Variants in TECRL observed in about 807,000 individuals in gnomAD.
The protein encoded by TECRL is trans-2,3-enoyl-CoA reductase-like.
Under a neutral mutation model 52.8 loss-of-function variants are expected in TECRL, and 63 were observed. The ratio of observed to expected loss-of-function variants is 1.19; its 90% CI spans 0.97 to 1.47. The LOEUF is 1.47. Ranked by LOEUF, TECRL falls within the 40% of genes most tolerant of loss-of-function variation. The probability of loss-of-function intolerance (pLI) is 0.00; values close to 1 mark genes in which losing one functional copy is unlikely to be tolerated. For missense variants in TECRL, 482 were observed against 429.6 expected (o/e 1.12, Z -1.08); for synonymous variants, 164 against 141.9 (o/e 1.16, Z -1.10).
intron 4 of TECRL, among the ~76,000 whole-genome samples, chr4:64,320,637 G>A (rs894030303): frequency 6.6e-6 from 1 of 151,994 alleles, no homozygotes; most frequent in African/African-American, 2.4e-5. Flanking sequence ...AAGTGATGAA[G>A]CTGAAATTTC....
At chr4:64,282,778 G>A (rs1722892131) in intron 9 of TECRL, among the ~76,000 whole-genome samples, 1 of 151,480 alleles carries the variant, frequency 6.6e-6, no homozygotes, top group Non-Finnish European at 1.5e-5. Flanking sequence ...AAAAATATAT[G>A]TATATAGATA....
intron 2 of TECRL, among the ~76,000 whole-genome samples, chr4:64,374,025 C>CAT (rs1175141902): frequency 6.0e-4 from 31 of 52,028 alleles, no homozygotes; most frequent in African/African-American, 1.6e-3. Flanking sequence ...ATAGTAGATA[C>CAT]ATATATATAT....
chr4:64,406,264 A>C (rs1401290325), intron 1 of TECRL, among the ~76,000 whole-genome samples: 1 of 151,792 alleles, frequency 6.6e-6, no homozygotes, highest in East Asian at 1.9e-4. Context: ...TCTCATGAAT[A>C]TTTTGAGTCT....
At chr4:64,358,402 A>ATAT (rs1477684526) in intron 2 of TECRL, among the ~76,000 whole-genome samples, 2 of 151,862 alleles carry the variant, frequency 1.3e-5, no homozygotes, top group African/African-American at 4.8e-5. Context: ...TACAGGATGT[A>ATAT]TATTGCACAT....
At chr4:64,336,966 G>A (rs547774444) in intron 2 of TECRL, among the ~76,000 whole-genome samples, 5 of 152,238 alleles carry the variant, frequency 3.3e-5, no homozygotes, top group Admixed American at 2.6e-4. Context: ...GTGTGGTGCT[G>A]AGAAGAATGT....
chr4:64,328,785 T>C (rs1718430902), intron 2 of TECRL, among the ~76,000 whole-genome samples: 1 of 151,972 alleles, frequency 6.6e-6, no homozygotes, highest in Non-Finnish European at 1.5e-5. Flanking sequence ...TTTCTGCTTT[T>C]TGATTTTGGG....
intron 5 of TECRL, among the ~76,000 whole-genome samples, chr4:64,313,525 A>G (rs1344955975): frequency 2.7e-5 from 3 of 110,708 alleles, no homozygotes; most frequent in African/African-American, 1.1e-4. Context: ...TCTGTCCCCC[A>G]GGCCGGAGTG....
intron 2 of TECRL, among the ~76,000 whole-genome samples, chr4:64,353,302 A>C (rs1720531657): frequency 6.6e-6 from 1 of 152,202 alleles, no homozygotes; most frequent in African/African-American, 2.4e-5. Flanking sequence ...ATATATCATA[A>C]GGAGCTTCAA....
At chr4:64,320,306 A>G (rs1717812066) in intron 4 of TECRL, among the ~76,000 whole-genome samples, 1 of 151,900 alleles carries the variant, frequency 6.6e-6, no homozygotes, top group South Asian at 2.1e-4. Context: ...TCCCTATTAT[A>G]TTATTTATTA....
chr4:64,313,732 A>C (rs1490066669), intron 5 of TECRL, among the ~76,000 whole-genome samples: 1 of 149,924 alleles, frequency 6.7e-6, no homozygotes, highest in Non-Finnish European at 1.5e-5. Context: ...CCACCCGCCT[A>C]GGCCTCCCAA....
chr4:64,310,894 T>C (rs764042408), intron 5 of TECRL, among the ~76,000 whole-genome samples: 4 of 152,142 alleles, frequency 2.6e-5, no homozygotes, highest in Non-Finnish European at 5.9e-5. Context: ...AATTTTTTTG[T>C]ATTTTTTGTA....
At chr4:64,328,626 C>T in intron 2 of TECRL, 70 bp from the exon 3 acceptor site, 1 of 1,301,668 alleles carries the variant, frequency 7.7e-7, no homozygotes, top group Non-Finnish European at 1.1e-6. Flanking sequence ...TAACTGTTTC[C>T]ATGGGAAGAC....
chr4:64,338,763 C>G (rs1213793508), intron 2 of TECRL, among the ~76,000 whole-genome samples: 1 of 152,106 alleles, frequency 6.6e-6, no homozygotes, highest in Admixed American at 6.5e-5. Context: ...GAATGGAGAT[C>G]ATTAAAAAGT....
chr4:64,336,802 A>G (rs1719121157), intron 2 of TECRL, among the ~76,000 whole-genome samples: 1 of 152,170 alleles, frequency 6.6e-6, no homozygotes, highest in Admixed American at 6.5e-5. Context: ...TTCAGTTTCC[A>G]TATAGTTGAG....
chr4:64,283,356 C>T (rs1306406881), intron 9 of TECRL, among the ~76,000 whole-genome samples: 1 of 151,996 alleles, frequency 6.6e-6, no homozygotes, highest in Non-Finnish European at 1.5e-5. Context: ...GCCCAAAAAG[C>T]AGATGTTGGA....
At position 64,315,726 on chromosome 4, in the gene TECRL, C is replaced by T. The variant is rs1425400718; in HGVS notation, c.436-963G>A. Among the ~76,000 whole-genome samples, 2 of 152,008 alleles carry T rather than the reference C, an allele frequency of 1.3e-5. 1 individual carries two copies. Among genetic ancestry groups the T allele is most frequent in the South Asian group, 4.1e-4 (2 of 4,826 alleles). The stretch of plus-strand genomic sequence containing the variant: ...GAGAAGATTGTTAGAATGAATAATA[C>T]ATATGCATGGTTTCATATATATTCA... On this transcript the variant is annotated intron_variant, in intron 4 of 11. Transcript: ENST00000381210.
chr4:64,358,604 G>A (rs1720951626), intron 2 of TECRL, among the ~76,000 whole-genome samples: 1 of 151,536 alleles, frequency 6.6e-6, no homozygotes, highest in South Asian at 2.1e-4. Flanking sequence ...TTTGTAATTT[G>A]TATTTTGGGA....
chr4:64,305,309 T>C (rs2109987143), intron 6 of TECRL, 71 bp from the exon 7 acceptor site: 2 of 1,333,320 alleles, frequency 1.5e-6, no homozygotes, highest in Non-Finnish European at 2.1e-6. Flanking sequence ...TGACATACAT[T>C]TATATTACAT....
At chr4:64,373,613 G>A (rs951404657) in intron 2 of TECRL, among the ~76,000 whole-genome samples, 4 of 151,406 alleles carry the variant, frequency 2.6e-5, no homozygotes, top group Non-Finnish European at 3.0e-5. Context: ...ACATAAACTC[G>A]ACTTTGATTC....
Sources: allele counts gnomAD v4.1 joint callset (sites outside exome capture counted in the v4.1 genomes callset), GRCh38; gene constraint gnomAD v4.1.1; transcripts MANE v1.5; gene names NCBI Gene and HGNC (gene_info 2026-07-23, HGNC 2026-07-21).